SDHA: variants seen among roughly 807,000 people sequenced by gnomAD.
SDHA encodes succinate dehydrogenase [ubiquinone] flavoprotein subunit, mitochondrial.
SDHA carries 48 observed loss-of-function variants against 78.4 expected under a neutral mutation model. The observed-to-expected ratio is 0.61, with a 90% CI of 0.49 to 0.78. The LOEUF is 0.78. Among genes scored for constraint, SDHA ranks in the 30% least tolerant of loss-of-function variants. The pLI, the probability that SDHA is intolerant of heterozygous loss-of-function variation, is 0.00. For synonymous variants in SDHA, 326 were observed against 353.9 expected, an observed-to-expected ratio of 0.92 and a Z score of 0.88; for missense variants, 680 against 892.7, an observed-to-expected ratio of 0.76 and a Z score of 3.04.
In SDHA at chr5:225,336, T is replaced by TC. The variant is rs1012325962; in HGVS notation, c.313-77dup. ...GTGTGAGTAGTTGGCTTTCTCTGAA[T>TC]CCCCCCAGCGGGTGGATTTGGGCCT... On this transcript the variant is annotated intron_variant, in intron 3 of 14. Transcript: ENST00000264932. The TC allele has an allele frequency of 3.2e-6, 5 of 1,586,556 alleles. No individual in the cohort carries two copies. The African/African-American group carries it at 6.7e-5, about 21-fold the overall frequency.
intron 11 of SDHA, among the ~76,000 whole-genome samples, chr5:245,463 C>T (rs1736386790): frequency 1.3e-5 from 2 of 152,244 alleles, no homozygotes; most frequent in Admixed American, 1.3e-4. Flanking sequence ...GCATGTTAAA[C>T]AGTCCAACGA....
the SDHA span, among the ~76,000 whole-genome samples, chr5:267,250 T>C: frequency 3.9e-5 from 6 of 152,218 alleles, no homozygotes; most frequent in Non-Finnish European, 5.9e-5. Flanking sequence ...GAAAGTATCA[T>C]TGTCCCAGGA....
At chr5:245,052 A>G (rs1173903826) in intron 11 of SDHA, among the ~76,000 whole-genome samples, 6 of 152,252 alleles carry the variant, frequency 3.9e-5, no homozygotes, top group South Asian at 2.1e-4. Context: ...AATGGTTAAC[A>G]TATAAGCCAA....
the SDHA span, among the ~76,000 whole-genome samples, chr5:266,698 C>A: frequency 4.9e-5 from 6 of 122,262 alleles, no homozygotes; most frequent in Non-Finnish European, 8.1e-5. Flanking sequence ...ATTCCTAACA[C>A]GGATCAAAGG....
At chr5:262,595 C>A in the SDHA span, among the ~76,000 whole-genome samples, 1 of 152,198 alleles carries the variant, frequency 6.6e-6, no homozygotes, top group East Asian at 1.9e-4. Flanking sequence ...TCCCCACCAT[C>A]CCCACACTTG....
At chr5:253,545 T>G (rs1484319279) in intron 13 of SDHA, among the ~76,000 whole-genome samples, 1 of 152,034 alleles carries the variant, frequency 6.6e-6, no homozygotes, top group African/African-American at 2.4e-5. Flanking sequence ...TTCAAGTGAT[T>G]CTCCTGCCTC....
In SDHA at chr5:233,499, C is replaced by G. The variant is rs138828792; in HGVS notation, c.918C>G (p.Leu306=). The G allele has an allele frequency of 3.4e-5, 55 of 1,614,056 alleles. No individual in the cohort carries two copies. In the African/African-American group the frequency reaches 7.1e-4, roughly 21 times the overall value. The change falls in exon 8 of 15, where the codon CTC becomes CTG. Residue 306 remains leucine, a synonymous_variant. Transcript: ENST00000264932. The part of the protein sequence containing the change: ...HPTGIYGAGC[L]ITEGCRGEGG... ...CAGGCATATATGGTGCTGGTTGTCTCATTACGGAAGGATGTCGTGGAGAGG... is the reference window on the plus strand; with the variant it reads ...CAGGCATATATGGTGCTGGTTGTCTGATTACGGAAGGATGTCGTGGAGAGG...
intron 7 of SDHA, among the ~76,000 whole-genome samples, chr5:232,692 A>AT (rs1735487741): frequency 6.6e-6 from 1 of 152,246 alleles, no homozygotes; most frequent in South Asian, 2.1e-4. Flanking sequence ...CAAGAATCAC[A>AT]TTCGTTTTTT....
In SDHA at chr5:237,451, C is replaced by T. The variant is rs1735851567; in HGVS notation, c.1432+852C>T. 1.5e-5 allele frequency among the ~76,000 whole-genome samples: 2 copies of T among 132,744 alleles called. 1 individual carries two copies. Among genetic ancestry groups the T allele is most frequent in the Non-Finnish European group, 3.0e-5 (2 of 66,034 alleles). The allele number at this position is 132,744 out of a possible 152,430, so 87.1% of individuals were successfully genotyped here. On this transcript the variant is annotated intron_variant, in intron 10 of 14. Coordinates refer to ENST00000264932, the MANE Select transcript of SDHA (RefSeq NM_004168.4). Reference sequence around the variant, plus strand: ...TTTCATGATAGCATCAAATAATGTGCAGTAAAGGAAATACCATGTGTGGGA... The same window carrying T: ...TTTCATGATAGCATCAAATAATGTGTAGTAAAGGAAATACCATGTGTGGGA...
intron 10 of SDHA, among the ~76,000 whole-genome samples, chr5:237,342 C>T (rs1735846832): frequency 1.5e-5 from 2 of 134,484 alleles, no homozygotes; most frequent in South Asian, 4.3e-4. Flanking sequence ...TACAGCTAGC[C>T]TCTATTAGAG....
intron 6 of SDHA, among the ~76,000 whole-genome samples, chr5:228,675 G>A (rs1306022666): frequency 6.6e-6 from 1 of 152,210 alleles, no homozygotes; most frequent in African/African-American, 2.4e-5. Flanking sequence ...AGTGGGTACT[G>A]TATTGATACT....
chr5:243,024 A>G (rs1736239243), intron 11 of SDHA, among the ~76,000 whole-genome samples: 1 of 152,150 alleles, frequency 6.6e-6, no homozygotes, highest in South Asian at 2.1e-4. Flanking sequence ...TTTCTTTTCC[A>G]GAGGACAGTG....
rs587782076 is a variant in SDHA at position 225,938 on chromosome 5, G to T, written c.512G>T (p.Arg171Leu). 6.2e-7 allele frequency: 1 copy of T among 1,613,874 alleles called. No homozygotes were observed. Among genetic ancestry groups the T allele is most frequent in the East Asian group, 2.2e-5 (1 of 44,886 alleles). Reference sequence around the variant, plus strand: ...ACTGAAGATGGGAAGATTTATCAGCGTGCATTTGGTGGACAGAGCCTCAAG... The same window carrying T: ...ACTGAAGATGGGAAGATTTATCAGCTTGCATTTGGTGGACAGAGCCTCAAG... Reference protein sequence around the residue: ...SRTEDGKIYQRAFGGQSLKFG... With the variant: ...SRTEDGKIYQLAFGGQSLKFG... Residue 171 changes from arginine to leucine, a missense_variant, in exon 5 of 15, where the codon CGT becomes CTT. Transcript: ENST00000264932.
Position 236,101 on chromosome 5 carries a change from T to G in SDHA, c.1261-327T>G, listed in dbSNP as rs186964599. 1,617 of 388,032 alleles carry G rather than the reference T, an allele frequency of 4.2e-3. 17 individuals are homozygous for G. Among genetic ancestry groups the G allele is most frequent in the African/African-American group, 0.025 (1,199 of 48,274 alleles). The allele number at this position is 388,032 out of a possible 1,614,324, so 24.0% of individuals were successfully genotyped here. On this transcript the variant is annotated intron_variant, in intron 9 of 14. Transcript: ENST00000264932. ...GAGCAGTGGTGCGATCTCAGCTCAC[T>G]GCAACCTCTGCCTCCCAGGTTCAAG... is the stretch of plus-strand genomic sequence containing the variant.
At chr5:230,300 T>C (rs1169666002) in intron 6 of SDHA, among the ~76,000 whole-genome samples, 6 of 152,192 alleles carry the variant, frequency 3.9e-5, no homozygotes, top group African/African-American at 1.4e-4. Flanking sequence ...TATATGCTTA[T>C]TGGGGAAACC....
chr5:236,028 TC>T (rs1371131089), intron 9 of SDHA: 60 of 285,456 alleles, frequency 2.1e-4, no homozygotes, highest in Admixed American at 3.2e-4. Context: ...TACTTCCCTC[TC>T]TTTTTTTTTC....
downstream of SDHA, among the ~76,000 whole-genome samples, chr5:260,627 G>T (rs1168719871): frequency 3.5e-4 from 4 of 11,440 alleles, no homozygotes; most frequent in African/African-American, 6.3e-4. Flanking sequence ...TCCCGTCAGA[G>T]CATTACCGTG....
chr5:251,802 C>T (rs182694405), intron 13 of SDHA: 48 of 1,251,126 alleles, frequency 3.8e-5, no homozygotes, highest in Non-Finnish European at 4.7e-5. Flanking sequence ...AGTAAGCCAT[C>T]ATTTCAAGCC....
rs771328239 is a variant in SDHA at position 233,566 on chromosome 5, C to A, written c.985C>A (p.Arg329=). ...CAGTCAAGGCGAAAGGTTTATGGAGCGATACGCCCCTGTCGCGAAGGACCT... is the reference window on the plus strand; with the variant it reads ...CAGTCAAGGCGAAAGGTTTATGGAGAGATACGCCCCTGTCGCGAAGGACCT... The part of the protein sequence containing the change: ...INSQGERFME[R]YAPVAKDLAS... Residue 329 remains arginine, a synonymous_variant, in exon 8 of 15, where the codon CGA becomes AGA. Coordinates refer to ENST00000264932, the MANE Select transcript of SDHA (RefSeq NM_004168.4). 6.2e-7 allele frequency: 1 copy of A among 1,614,148 alleles called. No individual in the cohort carries two copies. The highest frequency in any genetic ancestry group is 1.1e-5 in the South Asian group (1 of 91,080).
Sources: gnomAD v4.1 joint callset for allele counts (sites outside exome capture counted in the v4.1 genomes callset) on GRCh38, gnomAD v4.1.1 for gene constraint, MANE v1.5 for transcripts, NCBI Gene and HGNC (gene_info 2026-07-23, HGNC 2026-07-21) for gene names.